Variants in ZNF438 observed in about 807,000 individuals in gnomAD.
ZNF438 encodes the protein zinc finger protein 438.
Under a neutral mutation model 38.0 loss-of-function variants are expected in ZNF438, and 25 were observed. The ratio of observed to expected loss-of-function variants is 0.66; its 90% CI spans 0.48 to 0.92. The LOEUF (loss-of-function observed/expected upper bound fraction) is 0.92, where lower values mean the gene tolerates loss of function less well. ZNF438 is among the 40% of genes least tolerant of loss of function. ZNF438 has a pLI of 0.00. For synonymous variants in ZNF438, 372 were observed against 364.1 expected, an observed-to-expected ratio of 1.02 and a Z score of -0.25; for missense variants, 1,007 against 999.6, an observed-to-expected ratio of 1.01 and a Z score of -0.10.
At chr10:30,888,538 C>A (rs971675005) in intron 3 of ZNF438, among the ~76,000 whole-genome samples, 2 of 152,154 alleles carry the variant, frequency 1.3e-5, no homozygotes, top group Non-Finnish European at 2.9e-5. Flanking sequence ...CCACCCTCTA[C>A]CCTCAAGTAG....
chr10:30,911,474 C>G (rs1347902459), intron 2 of ZNF438, among the ~76,000 whole-genome samples: 2 of 152,158 alleles, frequency 1.3e-5, no homozygotes, highest in African/African-American at 4.8e-5. Flanking sequence ...CAGAACATCT[C>G]ATGCCTCCCG....
intron 1 of ZNF438, among the ~76,000 whole-genome samples, chr10:30,947,513 C>T (rs1181816863): frequency 3.3e-5 from 5 of 152,274 alleles, no homozygotes; most frequent in Non-Finnish European, 7.3e-5. Flanking sequence ...GTGGAGCCTA[C>T]AGAGGGAGGC....
chr10:30,899,021 T>C (rs1421095264), intron 3 of ZNF438, among the ~76,000 whole-genome samples: 4 of 152,220 alleles, frequency 2.6e-5, no homozygotes, highest in South Asian at 2.1e-4. Context: ...TCAGATTAGT[T>C]AAGGTCCCGT....
At chr10:31,024,461 C>G (rs982244282) in intron 1 of ZNF438, among the ~76,000 whole-genome samples, 1 of 152,070 alleles carries the variant, frequency 6.6e-6, no homozygotes, top group Non-Finnish European at 1.5e-5. Flanking sequence ...CCCGCCTCTA[C>G]TAAAAAAATA....
In ZNF438 at chr10:30,881,774, A is replaced by C. The variant is rs536383354; in HGVS notation, c.-31-4709T>G. On this transcript the variant is annotated intron_variant, in intron 3 of 5. Coordinates refer to ENST00000413025, the Ensembl canonical transcript of ZNF438. ...CAACAAAATAGAGAGTCCATAAATAAATCTACACAGATATGTATTTTCATG... is the reference window on the plus strand; with the variant it reads ...CAACAAAATAGAGAGTCCATAAATACATCTACACAGATATGTATTTTCATG... Among the ~76,000 whole-genome samples, 28 of 151,198 alleles carry C rather than the reference A, an allele frequency of 1.9e-4. No individual in the cohort carries two copies. In the South Asian group the frequency reaches 5.9e-3, roughly 32 times the overall value.
At chr10:30,907,946 A>G (rs2042740163) in intron 3 of ZNF438, among the ~76,000 whole-genome samples, 1 of 151,904 alleles carries the variant, frequency 6.6e-6, no homozygotes, top group Admixed American at 6.6e-5. Flanking sequence ...CTTTTTTTGA[A>G]AACAATAAGG....
intron 2 of ZNF438, chr10:30,919,082 C>A (rs75891299): frequency 6.6e-6 from 1 of 152,088 alleles, no homozygotes; most frequent in Non-Finnish European, 1.5e-5. Context: ...TCCTACTTGG[C>A]CTTCTTTCAT....
intron 3 of ZNF438, among the ~76,000 whole-genome samples, chr10:30,893,604 G>A (rs971519889): frequency 3.3e-5 from 5 of 152,152 alleles, no homozygotes; most frequent in African/African-American, 1.2e-4. Context: ...GTTTTAAGAT[G>A]ATTTTATAGT....
chr10:30,862,737 CA>C (rs2133197751), intron 4 of ZNF438, among the ~76,000 whole-genome samples: 1 of 152,284 alleles, frequency 6.6e-6, no homozygotes, highest in East Asian at 1.9e-4. Flanking sequence ...AATGTGAAGT[CA>C]GTTGGAACAA....
At chr10:30,928,201 A>G (rs1236080775) in intron 2 of ZNF438, among the ~76,000 whole-genome samples, 1 of 152,232 alleles carries the variant, frequency 6.6e-6, no homozygotes, top group Non-Finnish European at 1.5e-5. Flanking sequence ...CATCTGAAAA[A>G]TCAAAATGCA....
At position 30,849,584 on chromosome 10, in the gene ZNF438, G is replaced by GGTTTTTGCAA; in HGVS notation, c.820_821insTTGCAAAAAC (p.Pro274LeufsTer43). 6.2e-7 allele frequency: 1 copy of GGTTTTTGCAA among 1,614,212 alleles called. No individual in the cohort carries two copies. Among genetic ancestry groups the GGTTTTTGCAA allele is most frequent in the Non-Finnish European group, 8.5e-7 (1 of 1,180,040 alleles). On this transcript the variant is annotated frameshift_variant, in exon 5 of 6. Coordinates refer to ENST00000413025, the Ensembl canonical transcript of ZNF438. LOFTEE classifies it high-confidence loss of function. Reference sequence around the variant, plus strand: ...CTGAACTGCATTGCCAAGAATGGTTGGTGATAAATTGGTCATGGTTTTTGC... The same window carrying GGTTTTTGCAA: ...CTGAACTGCATTGCCAAGAATGGTTGGTTTTTGCAAGTGATAAATTGGTCATGGTTTTTGC...
intron 2 of ZNF438, among the ~76,000 whole-genome samples, chr10:30,931,642 T>G (rs560170670): frequency 6.6e-6 from 1 of 152,228 alleles, no homozygotes; most frequent in African/African-American, 2.4e-5. Flanking sequence ...AGCAGTATCT[T>G]TGAGAATGAA....
chr10:31,003,150 G>A (rs759026161), intron 1 of ZNF438, among the ~76,000 whole-genome samples: 2 of 152,098 alleles, frequency 1.3e-5, no homozygotes, highest in South Asian at 2.1e-4. Flanking sequence ...GTCTTGAGAT[G>A]TGTAGGGCAA....
chr10:30,860,912 G>C (rs2035470642), intron 4 of ZNF438, among the ~76,000 whole-genome samples: 1 of 152,138 alleles, frequency 6.6e-6, no homozygotes, highest in Non-Finnish European at 1.5e-5. Context: ...TGTGATGGGG[G>C]ATGGGGCCCA....
chr10:30,905,581 T>C (rs1288201884), intron 3 of ZNF438, among the ~76,000 whole-genome samples: 1 of 152,222 alleles, frequency 6.6e-6, no homozygotes, highest in East Asian at 1.9e-4. Flanking sequence ...ATGGTATCCT[T>C]TGAAGTACAA....
At chr10:30,922,209 C>T (rs78288012) in intron 2 of ZNF438, among the ~76,000 whole-genome samples, 6,511 of 152,110 alleles carry the variant, frequency 0.043, 168 homozygotes, top group African/African-American at 0.067. Context: ...TTTCAGTGAG[C>T]GCAAAGCAAA....
chr10:30,903,429 T>G (rs1249181667), intron 3 of ZNF438, among the ~76,000 whole-genome samples: 2 of 152,352 alleles, frequency 1.3e-5, no homozygotes, highest in South Asian at 2.1e-4. Flanking sequence ...GAACTTGGCA[T>G]TTTAAGACTT....
chr10:30,847,493 C>T (rs2032484258), intron 5 of ZNF438, among the ~76,000 whole-genome samples: 1 of 152,240 alleles, frequency 6.6e-6, no homozygotes, highest in Non-Finnish European at 1.5e-5. Flanking sequence ...CTCTACTTCT[C>T]TGTGTACCTC....
At chr10:30,887,634 C>A (rs904183274) in intron 3 of ZNF438, among the ~76,000 whole-genome samples, 11 of 152,142 alleles carry the variant, frequency 7.2e-5, no homozygotes, top group Non-Finnish European at 1.3e-4. Context: ...CTGATCTGCC[C>A]ATCTCGGCCT....
Sources: allele counts gnomAD v4.1 joint callset (sites outside exome capture counted in the v4.1 genomes callset), GRCh38; gene constraint gnomAD v4.1.1; transcripts MANE v1.5; gene names NCBI Gene and HGNC (gene_info 2026-07-23, HGNC 2026-07-21).